The following ERO1B variants were observed in gnomAD, a reference collection of about 807,000 sequenced individuals.
ERO1B encodes endoplasmic reticulum oxidoreductase 1 beta.
In ERO1B, 49 loss-of-function variants were observed where a neutral mutation model predicts 75.3. The observed-to-expected ratio is 0.65, with a 90% CI of 0.52 to 0.83. The LOEUF (loss-of-function observed/expected upper bound fraction) is 0.83, where lower values mean the gene tolerates loss of function less well. Among genes scored for constraint, ERO1B ranks in the 40% least tolerant of loss-of-function variants. The pLI, the probability that ERO1B is intolerant of heterozygous loss-of-function variation, is 0.00. For synonymous variants in ERO1B, 191 were observed against 192.9 expected (o/e 0.99, Z 0.08); for missense variants, 512 against 560.1 (o/e 0.91, Z 0.87).
At chr1:236,279,512 A>AAAAAAAAAAAC (rs1198260878) in intron 1 of ERO1B, among the ~76,000 whole-genome samples, 2 of 144,458 alleles carry the variant, frequency 1.4e-5, no homozygotes, top group South Asian at 2.2e-4. Context: ...CTCAAAAAAA[A>AAAAAAAAAAAC]AAAAAAAACA....
intron 2 of ERO1B, among the ~76,000 whole-genome samples, chr1:236,268,207 T>C (rs558002438): frequency 1.3e-5 from 2 of 152,344 alleles, no homozygotes; most frequent in South Asian, 2.1e-4. Flanking sequence ...CTGCACAAGA[T>C]ACTAGTTTTT....
chr1:236,222,169 G>A (rs1329450482), intron 13 of ERO1B, among the ~76,000 whole-genome samples, 159 bp from the exon 14 acceptor site: 1 of 152,214 alleles, frequency 6.6e-6, no homozygotes, highest in Admixed American at 6.5e-5. Flanking sequence ...GAGTGCAGTG[G>A]TGCCATCTCG....
At chr1:236,271,199 C>G (rs1309232915) in intron 1 of ERO1B, among the ~76,000 whole-genome samples, 1 of 151,886 alleles carries the variant, frequency 6.6e-6, no homozygotes. Context: ...GAACTAACAA[C>G]CAAAATTTTC....
At chr1:236,280,019 G>A (rs1265691945) in intron 1 of ERO1B, among the ~76,000 whole-genome samples, 1 of 152,178 alleles carries the variant, frequency 6.6e-6, no homozygotes, top group African/African-American at 2.4e-5. Context: ...GCCAGGTACA[G>A]TGGCTCACAC....
chr1:236,267,960 G>A (rs920773896), intron 2 of ERO1B: 4 of 148,850 alleles, frequency 2.7e-5, no homozygotes, highest in African/African-American at 5.1e-5. Flanking sequence ...GCACCCCTCC[G>A]GGGGAAAAAA....
In ERO1B at chr1:236,239,665, T is replaced by C. The variant is rs544063562; in HGVS notation, c.506-3267A>G. Among the ~76,000 whole-genome samples, 6 of 151,718 alleles carry C rather than the reference T, an allele frequency of 4.0e-5. No homozygotes were observed. In the East Asian group the frequency reaches 1.2e-3, roughly 29 times the overall value. ...TTCAGATAATTCTCTCTAAATTATC[T>C]GGCCCTCTACTATGACCCTCTCCCA... is the stretch of plus-strand genomic sequence containing the variant. On this transcript the variant is annotated intron_variant, in intron 6 of 15. Transcript: ENST00000354619.
intron 8 of ERO1B, among the ~76,000 whole-genome samples, chr1:236,235,331 T>C (rs1664513421): frequency 6.6e-6 from 1 of 152,238 alleles, no homozygotes; most frequent in Admixed American, 6.5e-5. Flanking sequence ...GTGATGTGTA[T>C]GCACACTGAA....
At chr1:236,235,592 T>C (rs73112979) in intron 8 of ERO1B, among the ~76,000 whole-genome samples, 197 bp downstream of exon 8, 10,398 of 152,238 alleles carry the variant, frequency 0.068, 745 homozygotes, top group East Asian at 0.39. Context: ...AGAGCAGGCA[T>C]TCAATAAATG....
At chr1:236,270,022 A>T in intron 1 of ERO1B, 28 bp from the exon 2 acceptor site, 1 of 1,488,098 alleles carries the variant, frequency 6.7e-7, no homozygotes, top group African/African-American at 1.4e-5. Context: ...TAAAATATGT[A>T]AACTACTGAT....
chr1:236,239,877 ATGTGTGTG>A (rs202156601), intron 6 of ERO1B, among the ~76,000 whole-genome samples: 1,222 of 95,572 alleles, frequency 0.013, no homozygotes, highest in Middle Eastern at 0.035. Flanking sequence ...ATATGTGTAT[ATGTGTGTG>A]TGTGTGTATA....
chr1:236,275,309 A>G (rs1665685970), intron 1 of ERO1B, among the ~76,000 whole-genome samples: 1 of 152,210 alleles, frequency 6.6e-6, no homozygotes, highest in South Asian at 2.1e-4. Flanking sequence ...CTGGCTATCA[A>G]TTGTGGGTTC....
chr1:236,255,671 A>G (rs1459288981), intron 2 of ERO1B, among the ~76,000 whole-genome samples: 4 of 152,186 alleles, frequency 2.6e-5, no homozygotes, highest in Non-Finnish European at 5.9e-5. Context: ...GGGTATGACT[A>G]GAAGTGTTTG....
chr1:236,229,744 CTAATA>C (rs1664356731), intron 10 of ERO1B, among the ~76,000 whole-genome samples: 1 of 152,152 alleles, frequency 6.6e-6, no homozygotes. Context: ...GCAAAAGCAT[CTAATA>C]TATCAGGATC....
Position 236,249,875 on chromosome 1 carries a change from T to TA in ERO1B, c.431+9dup, listed in dbSNP as rs572671983. The TA allele has an allele frequency of 1.3e-6, 2 of 1,556,322 alleles. No individual in the cohort carries two copies. The highest frequency in any genetic ancestry group is 1.7e-6 in the Non-Finnish European group (2 of 1,151,850). On this transcript the variant is annotated intron_variant, in intron 5 of 15. Transcript: ENST00000354619. ...GAATATTTTCTTAATATTACCAAAATAAAACTTGCCTTAATGTGCTGTTAA... is the reference window on the plus strand; with the variant it reads ...GAATATTTTCTTAATATTACCAAAATAAAAACTTGCCTTAATGTGCTGTTAA...
chr1:236,255,909 G>C (rs997826556), intron 2 of ERO1B, among the ~76,000 whole-genome samples: 5 of 152,250 alleles, frequency 3.3e-5, no homozygotes, highest in Admixed American at 2.0e-4. Flanking sequence ...CTTACCATCT[G>C]AGTAAAATGC....
chr1:236,251,937 G>T, intron 4 of ERO1B, 113 bp downstream of exon 4: 1 of 737,796 alleles, frequency 1.4e-6, no homozygotes, highest in Non-Finnish European at 2.3e-6. Context: ...GAGGCAAAAT[G>T]TCTCCATTCC....
intron 2 of ERO1B, among the ~76,000 whole-genome samples, chr1:236,256,370 C>T (rs748396546): frequency 3.9e-5 from 6 of 152,240 alleles, no homozygotes; most frequent in Non-Finnish European, 5.9e-5. Context: ...CTTGCTTGAA[C>T]GGGAGAGTAA....
intron 6 of ERO1B, among the ~76,000 whole-genome samples, chr1:236,242,933 C>A (rs1158439417): frequency 6.6e-6 from 1 of 152,132 alleles, no homozygotes; most frequent in Non-Finnish European, 1.5e-5. Context: ...GAATTAGAGT[C>A]CTCCCCAGCA....
At chr1:236,256,086 C>T (rs1572057687) in intron 2 of ERO1B, among the ~76,000 whole-genome samples, 2 of 152,080 alleles carry the variant, frequency 1.3e-5, no homozygotes, top group Admixed American at 1.3e-4. Flanking sequence ...GCCTTCTTCC[C>T]CTGGCTTACT....
Sources: allele counts gnomAD v4.1 joint callset (sites outside exome capture counted in the v4.1 genomes callset), GRCh38; gene constraint gnomAD v4.1.1; transcripts MANE v1.5; gene names NCBI Gene and HGNC (gene_info 2026-07-23, HGNC 2026-07-21).